The following ZNF518B variants were observed in gnomAD, a reference collection of about 807,000 sequenced individuals.
The protein encoded by ZNF518B is zinc finger protein 518B.
A neutral mutation model predicts 56.3 loss-of-function variants in ZNF518B; 23 were observed. That is an observed-to-expected ratio of 0.41 (90% confidence interval 0.29 to 0.58). ZNF518B has a LOEUF of 0.58. Among genes scored for constraint, ZNF518B ranks in the 20% least tolerant of loss-of-function variants. The pLI, the probability that ZNF518B is intolerant of heterozygous loss-of-function variation, is 0.32. For missense variants in ZNF518B, 1,460 were observed against 1,272.1 expected (o/e 1.15, Z -2.25); for synonymous variants, 529 against 465.9 (o/e 1.14, Z -1.74).
rs761793125 is a variant in ZNF518B at position 10,455,007 on chromosome 4, A to G, written c.-395-19T>C. On this transcript the variant is annotated intron_variant, in intron 1 of 2. Transcript: ENST00000326756. ...AAGAGGCCTGCAACAGAAGCCAAAC[A>G]CTTGGGTTTAAGTCCTGGACCGGCA... 6.6e-6 allele frequency: 1 copy of G among 152,174 alleles called. No individual in the cohort carries two copies. The highest frequency in any genetic ancestry group is 1.5e-5 in the Non-Finnish European group (1 of 68,080). 9.4% of individuals were successfully genotyped at this position (152,174 alleles called of 1,614,324 possible).
chr4:10,460,360 T>C (rs1715710381), upstream of ZNF518B, among the ~76,000 whole-genome samples: 1 of 140,406 alleles, frequency 7.1e-6, no homozygotes, highest in Admixed American at 7.7e-5. Flanking sequence ...TGAATGCCCA[T>C]TCAGTGCAGG....
At chr4:10,461,189 G>T (rs1260367778), upstream of ZNF518B, among the ~76,000 whole-genome samples, 4 of 152,248 alleles carry the variant, frequency 2.6e-5, no homozygotes, top group Admixed American at 2.0e-4. Flanking sequence ...TGCAAAACAG[G>T]AGTAACTGGA....
chr4:10,453,082 C>T (rs1715389030), intron 2 of ZNF518B: 1 of 152,232 alleles, frequency 6.6e-6, no homozygotes, highest in African/African-American at 2.4e-5. Context: ...CACATGATTT[C>T]AAACTTGTTA....
At chr4:10,453,381 G>A (rs1037511787) in intron 2 of ZNF518B, 1 of 152,134 alleles carries the variant, frequency 6.6e-6, no homozygotes, top group Non-Finnish European at 1.5e-5. Context: ...AGGAAGTGAG[G>A]GTCTTCTCCC....
At chr4:10,452,713 T>C (rs1201094272) in intron 2 of ZNF518B, 1 of 152,208 alleles carries the variant, frequency 6.6e-6, no homozygotes, top group Admixed American at 6.5e-5. Flanking sequence ...GTTATTACAT[T>C]GCATTATACT....
intron 2 of ZNF518B, chr4:10,451,283 C>T (rs932021971): frequency 6.6e-6 from 1 of 152,164 alleles, no homozygotes; most frequent in African/African-American, 2.4e-5. Context: ...AAAAACGAAG[C>T]ATTTGACTTC....
chr4:10,447,463 A>G (rs28682539), intron 2 of ZNF518B, among the ~76,000 whole-genome samples: 27,581 of 151,904 alleles, frequency 0.18, 3,835 homozygotes, highest in African/African-American at 0.39. Context: ...CCTGCTGCTC[A>G]TGAGGAACAG....
upstream of ZNF518B, among the ~76,000 whole-genome samples, chr4:10,459,077 G>T (rs964253734): frequency 6.6e-6 from 1 of 152,186 alleles, no homozygotes; most frequent in African/African-American, 2.4e-5. Flanking sequence ...TTGTGAGCCT[G>T]TCTGAACCTC....
At position 10,440,587 on chromosome 4, in the gene ZNF518B, C is replaced by T. The variant is rs1159979234; in HGVS notation, c.*2517G>A. ...GGGAGGACAGCTACTTTTTGCTTTC[C>T]CATTTTTGACTTCCAGAAACACTTT... On this transcript the variant is annotated 3_prime_UTR_variant, in exon 3 of 3. Transcript: ENST00000326756. 6.6e-6 allele frequency: 1 copy of T among 152,500 alleles called. No homozygotes were observed. The highest frequency in any genetic ancestry group is 1.5e-5 in the Non-Finnish European group (1 of 68,014). The allele number at this position is 152,500 out of a possible 1,614,324, so 9.4% of individuals were successfully genotyped here.
upstream of ZNF518B, among the ~76,000 whole-genome samples, chr4:10,461,048 C>T (rs1715728116): frequency 6.6e-6 from 1 of 152,268 alleles, no homozygotes; most frequent in South Asian, 2.1e-4. Context: ...GGTTCTCAAG[C>T]TTACCTCGCC....
chr4:10,448,440 T>C (rs1715163794), intron 2 of ZNF518B, among the ~76,000 whole-genome samples: 1 of 152,170 alleles, frequency 6.6e-6, no homozygotes, highest in South Asian at 2.1e-4. Context: ...GTGTAAAACC[T>C]GCCCTTTGGA....
At position 10,440,565 on chromosome 4, in the gene ZNF518B, A is replaced by ACAAAAAGTAG. The variant is rs1476394842; in HGVS notation, c.*2538_*2539insCTACTTTTTG. 1 of 152,588 alleles carries ACAAAAAGTAG rather than the reference A, an allele frequency of 6.6e-6. No individual in the cohort carries two copies. Among genetic ancestry groups the ACAAAAAGTAG allele is most frequent in the Non-Finnish European group, 1.5e-5 (1 of 68,036 alleles). The allele number at this position is 152,588 out of a possible 1,614,324, so 9.5% of individuals were successfully genotyped here. On this transcript the variant is annotated 3_prime_UTR_variant, in exon 3 of 3. Coordinates refer to ENST00000326756, the MANE Select transcript of ZNF518B (RefSeq NM_053042.3). Reference sequence around the variant, plus strand: ...AGCTATCTTCTAAAGCTCTTTAGGGAGGACAGCTACTTTTTGCTTTCCCAT... The same window carrying ACAAAAAGTAG: ...AGCTATCTTCTAAAGCTCTTTAGGGACAAAAAGTAGGGACAGCTACTTTTTGCTTTCCCAT...
chr4:10,451,178 G>A (rs1248416254), intron 2 of ZNF518B: 11 of 152,054 alleles, frequency 7.2e-5, no homozygotes, highest in African/African-American at 2.7e-4. Flanking sequence ...TTATTATGGG[G>A]ACATAAAAAC....
In ZNF518B at chr4:10,440,535, G is replaced by A. The variant is rs1466583958; in HGVS notation, c.*2569C>T. 6.6e-6 allele frequency: 1 copy of A among 152,540 alleles called. No individual in the cohort carries two copies. Among genetic ancestry groups the A allele is most frequent in the African/African-American group, 2.4e-5 (1 of 41,420 alleles). 9.4% of individuals were successfully genotyped at this position (152,540 alleles called of 1,614,324 possible). The stretch of plus-strand genomic sequence containing the variant: ...GTTTATTTCATAACATGTACCTACA[G>A]GTTAAGCTATCTTCTAAAGCTCTTT... On this transcript the variant is annotated 3_prime_UTR_variant, in exon 3 of 3. Transcript: ENST00000326756.
At chr4:10,455,262 T>C (rs941057102) in intron 1 of ZNF518B, among the ~76,000 whole-genome samples, 2 of 152,196 alleles carry the variant, frequency 1.3e-5, no homozygotes, top group African/African-American at 4.8e-5. Flanking sequence ...GATGACAATG[T>C]TTAGACTGGC....
chr4:10,445,296 C>T lies in ZNF518B; in HGVS notation c.1033G>A (p.Ala345Thr), dbSNP rs753680642. 9.9e-6 allele frequency: 16 copies of T among 1,614,100 alleles called. No homozygotes were observed. Among genetic ancestry groups the T allele is most frequent in the Non-Finnish European group, 1.4e-5 (16 of 1,179,930 alleles). The change falls in exon 3 of 3, where the codon GCC (alanine) becomes ACC (threonine). Residue 345 changes from alanine to threonine, a missense_variant. Ala to Thr is a moderately conservative substitution (Grantham distance 58). Coordinates refer to ENST00000326756, the MANE Select transcript of ZNF518B (RefSeq NM_053042.3). Reference protein sequence around the residue: ...AELVVPANCLAQLIDVKVVNG... With the variant: ...AELVVPANCLTQLIDVKVVNG... ...ACAACCTTCACATCTATCAACTGGG[C>T]TAAACAGTTTGCAGGGACAACTAGT...
chr4:10,460,361 T>A (rs1715710415), upstream of ZNF518B, among the ~76,000 whole-genome samples: 2 of 141,136 alleles, frequency 1.4e-5, no homozygotes, highest in South Asian at 4.7e-4. Flanking sequence ...GAATGCCCAT[T>A]CAGTGCAGGC....
intron 2 of ZNF518B, chr4:10,453,681 A>G (rs1715417614): frequency 6.6e-6 from 1 of 152,228 alleles, no homozygotes; most frequent in Non-Finnish European, 1.5e-5. Context: ...AAGCACATCA[A>G]ATGACTCCGG....
Position 10,440,325 on chromosome 4 carries a change from C to T in ZNF518B, c.*2779G>A, listed in dbSNP as rs1488827565. On this transcript the variant is annotated 3_prime_UTR_variant, in exon 3 of 3. Transcript: ENST00000326756. ...TAACTTTTACTGTATTTGCCTATAT[C>T]CTAAATATAACAATCTCTCACTTCT... The T allele has an allele frequency of 1.3e-5, 2 of 151,432 alleles. No homozygotes were observed. Among genetic ancestry groups the T allele is most frequent in the African/African-American group, 2.4e-5 (1 of 40,992 alleles). The allele number at this position is 151,432 out of a possible 1,614,324, so 9.4% of individuals were successfully genotyped here.
Sources: gnomAD v4.1 joint callset for allele counts (sites outside exome capture counted in the v4.1 genomes callset) on GRCh38, gnomAD v4.1.1 for gene constraint, MANE v1.5 for transcripts, NCBI Gene and HGNC (gene_info 2026-07-23, HGNC 2026-07-21) for gene names.